The following PTPRM variants were observed in gnomAD, a reference collection of about 807,000 sequenced individuals.
PTPRM encodes protein tyrosine phosphatase receptor type M.
A neutral mutation model predicts 186.7 loss-of-function variants in PTPRM; 47 were observed. The observed-to-expected ratio is 0.25, with a 90% CI of 0.20 to 0.32. The LOEUF (loss-of-function observed/expected upper bound fraction) is 0.32, where lower values mean the gene tolerates loss of function less well. Among genes scored for constraint, PTPRM ranks in the 10% least tolerant of loss-of-function variants. The pLI, the probability that PTPRM is intolerant of heterozygous loss-of-function variation, is 1.00. For synonymous variants in PTPRM, 668 were observed against 674.9 expected, an observed-to-expected ratio of 0.99 and a Z score of 0.16; for missense variants, 1,494 against 1,865.0, an observed-to-expected ratio of 0.80 and a Z score of 3.66.
chr18:7,569,930 C>G (rs542091861), intron 1 of PTPRM, among the ~76,000 whole-genome samples: 5 of 152,248 alleles, frequency 3.3e-5, no homozygotes, highest in Non-Finnish European at 4.4e-5. Flanking sequence ...GGGCAGCATC[C>G]AAGCCATGCC....
intron 1 of PTPRM, among the ~76,000 whole-genome samples, chr18:7,698,068 G>A (rs932043384): frequency 5.3e-5 from 8 of 152,174 alleles, no homozygotes; most frequent in African/African-American, 7.2e-5. Context: ...GGGACACTGT[G>A]GAAGACATGA....
In PTPRM at chr18:8,282,489, C is replaced by T. The variant is rs564350764; in HGVS notation, c.2755-13879C>T. On this transcript the variant is annotated intron_variant, in intron 19 of 32. Coordinates refer to ENST00000580170, the MANE Select transcript of PTPRM (RefSeq NM_001105244.2). ...ACCAGCCTGGCCAACATGGTGAAAC[C>T]CTGTCTCTACTAAAATACAAAAATT... Among the ~76,000 whole-genome samples the T allele has an allele frequency of 2.0e-3, 309 of 152,194 alleles. 3 individuals are homozygous for T. The Middle Eastern group carries it at 0.044, about 22-fold the overall frequency.
intron 1 of PTPRM, among the ~76,000 whole-genome samples, chr18:7,706,060 T>G (rs557495547): frequency 1.1e-4 from 17 of 149,168 alleles, no homozygotes; most frequent in South Asian, 1.0e-3. Context: ...TATACATATA[T>G]ATAGAGAGAG....
intron 13 of PTPRM, among the ~76,000 whole-genome samples, chr18:8,141,562 C>T (rs1209986584): frequency 3.9e-5 from 6 of 152,174 alleles, no homozygotes; most frequent in Non-Finnish European, 5.9e-5. Flanking sequence ...AGAGCCAGAC[C>T]CTCCTCTACT....
At chr18:7,592,202 G>GT (rs1216439448) in intron 1 of PTPRM, among the ~76,000 whole-genome samples, 3 of 152,126 alleles carry the variant, frequency 2.0e-5, no homozygotes, top group Non-Finnish European at 4.4e-5. Context: ...GGTACCAGAG[G>GT]TTTTTAAGAG....
chr18:7,988,827 G>A (rs772355956), intron 7 of PTPRM, among the ~76,000 whole-genome samples: 1 of 151,976 alleles, frequency 6.6e-6, no homozygotes, highest in Non-Finnish European at 1.5e-5. Flanking sequence ...GGGCATTTTG[G>A]TTGCTTCTAC....
intron 14 of PTPRM, among the ~76,000 whole-genome samples, chr18:8,188,110 G>A (rs565445371): frequency 1.3e-5 from 2 of 152,250 alleles, no homozygotes; most frequent in East Asian, 3.9e-4. Flanking sequence ...TACATTAATT[G>A]TTTCTCAGAT....
intron 2 of PTPRM, among the ~76,000 whole-genome samples, chr18:7,811,889 A>G (rs989705212): frequency 1.3e-5 from 2 of 152,180 alleles, no homozygotes; most frequent in African/African-American, 4.8e-5. Flanking sequence ...TGGTGTTTGC[A>G]CATATATGGC....
intron 20 of PTPRM, among the ~76,000 whole-genome samples, chr18:8,307,674 G>C (rs1318264511): frequency 6.6e-6 from 1 of 151,946 alleles, no homozygotes; most frequent in Non-Finnish European, 1.5e-5. Flanking sequence ...CATGGTGGCA[G>C]CTGCCTGTAA....
At chr18:7,930,161 T>G (rs1374416610) in intron 5 of PTPRM, among the ~76,000 whole-genome samples, 1 of 152,036 alleles carries the variant, frequency 6.6e-6, no homozygotes, top group African/African-American at 2.4e-5. Flanking sequence ...CTCGACCACC[T>G]GGGCTTAGAT....
intron 3 of PTPRM, among the ~76,000 whole-genome samples, chr18:7,904,910 G>T (rs1240684280): frequency 1.3e-5 from 2 of 152,174 alleles, no homozygotes; most frequent in African/African-American, 4.8e-5. Flanking sequence ...ATGATAGCCT[G>T]ACAACTGACA....
At chr18:8,183,382 G>A (rs1473356956) in intron 14 of PTPRM, among the ~76,000 whole-genome samples, 1 of 152,078 alleles carries the variant, frequency 6.6e-6, no homozygotes, top group Admixed American at 6.6e-5. Context: ...TAATCAATCG[G>A]GAGAGACAAA....
intron 1 of PTPRM, among the ~76,000 whole-genome samples, chr18:7,653,359 C>A (rs909183176): frequency 6.6e-6 from 1 of 152,000 alleles, no homozygotes; most frequent in African/African-American, 2.4e-5. Flanking sequence ...ACGTGTATAG[C>A]TTTGTTATAT....
chr18:7,857,124 T>A (rs1241697620), intron 2 of PTPRM, among the ~76,000 whole-genome samples: 1 of 152,154 alleles, frequency 6.6e-6, no homozygotes, highest in East Asian at 1.9e-4. Flanking sequence ...TTTTCTCTGC[T>A]GTGGGAAATC....
Position 8,096,354 on chromosome 18 carries a change from A to G in PTPRM, c.1856+7503A>G, listed in dbSNP as rs117892880. Among the ~76,000 whole-genome samples the G allele has an allele frequency of 1.9e-3, 289 of 152,332 alleles. 2 individuals are homozygous for G. The highest frequency in any genetic ancestry group is 3.4e-3 in the Middle Eastern group (1 of 294). ...CTACAGACTCCATGAAAGCTCTCGA[A>G]TGTCCTTCACAGTGGAGGCCACACC... On this transcript the variant is annotated intron_variant, in intron 11 of 32. Coordinates refer to ENST00000580170, the MANE Select transcript of PTPRM (RefSeq NM_001105244.2).
At chr18:7,894,133 C>G (rs2049222686) in intron 3 of PTPRM, among the ~76,000 whole-genome samples, 1 of 152,098 alleles carries the variant, frequency 6.6e-6, no homozygotes, top group Non-Finnish European at 1.5e-5. Flanking sequence ...CGAGGAGATG[C>G]CTGTTGTAGT....
At chr18:7,857,081 C>A (rs72893381) in intron 2 of PTPRM, among the ~76,000 whole-genome samples, 10,550 of 152,176 alleles carry the variant, frequency 0.069, 510 homozygotes, top group South Asian at 0.2. Context: ...TTCTGGGAAA[C>A]ACTTCTTGAA....
rs79617001 is a variant in PTPRM, at chr18:7,993,768, C to T, written c.1132+38354C>T. 6.1e-4 allele frequency among the ~76,000 whole-genome samples: 92 copies of T among 152,000 alleles called. No homozygotes were observed. In the East Asian group the frequency reaches 0.016, roughly 26 times the overall value. Reference sequence around the variant, plus strand: ...GAAGTGAAAGGATGTTCTCCATCACCGTGAAAACACACTAAAATATATAAC... The same window carrying T: ...GAAGTGAAAGGATGTTCTCCATCACTGTGAAAACACACTAAAATATATAAC... On this transcript the variant is annotated intron_variant, in intron 7 of 32. Coordinates refer to ENST00000580170, the MANE Select transcript of PTPRM (RefSeq NM_001105244.2).
chr18:7,755,866 C>T (rs1789166771), intron 1 of PTPRM, among the ~76,000 whole-genome samples: 1 of 152,190 alleles, frequency 6.6e-6, no homozygotes, highest in African/African-American at 2.4e-5. Flanking sequence ...CTGCTGTGGT[C>T]ATACAGTTTT....
Sources: gnomAD v4.1 joint callset for allele counts (sites outside exome capture counted in the v4.1 genomes callset) on GRCh38, gnomAD v4.1.1 for gene constraint, MANE v1.5 for transcripts, NCBI Gene and HGNC (gene_info 2026-07-23, HGNC 2026-07-21) for gene names.